The following AFF2 variants were observed in gnomAD, a reference collection of about 807,000 sequenced individuals.
The protein encoded by AFF2 is ALF transcription elongation factor 2, also known as AF4/FMR2 family member 2.
Under a neutral mutation model 76.9 loss-of-function variants are expected in AFF2, and 14 were observed. That is an observed-to-expected ratio of 0.18 (90% CI 0.12 to 0.28). The LOEUF is 0.28. AFF2 is among the 10% of genes least tolerant of loss of function. AFF2 has a pLI of 1.00. For missense variants in AFF2, 868 were observed against 1,001.1 expected (o/e 0.87, Z 1.79); for synonymous variants, 398 against 366.7 (o/e 1.09, Z -0.98).
intron 1 of AFF2, among the ~76,000 whole-genome samples, chrX:148,604,474 C>T (rs1557248547): frequency 1.8e-5 from 2 of 112,247 alleles, no homozygotes; most frequent in African/African-American, 6.5e-5. Context: ...CTCACTGCAG[C>T]CTTGAATTCC....
At chrX:148,808,636 A>G (rs1391170439) in intron 3 of AFF2, among the ~76,000 whole-genome samples, 1 of 112,047 alleles carries the variant, frequency 8.9e-6, no homozygotes, top group Non-Finnish European at 1.9e-5. Flanking sequence ...GCCATCTAGA[A>G]TTGATAGCCC....
chrX:148,803,437 C>G (rs1242473353), intron 3 of AFF2, among the ~76,000 whole-genome samples: 1 of 111,321 alleles, frequency 9.0e-6, no homozygotes, highest in Non-Finnish European at 1.9e-5. Flanking sequence ...CCAGAATGGC[C>G]TCACTGACTA....
chrX:148,780,142 G>A (rs2069723200), intron 3 of AFF2, among the ~76,000 whole-genome samples: 1 of 112,251 alleles, frequency 8.9e-6, no homozygotes, highest in South Asian at 3.7e-4. Context: ...GCTTCCCTTT[G>A]TGGGTAACCC....
chrX:148,529,982 T>A (rs2052711411), intron 1 of AFF2, among the ~76,000 whole-genome samples: 1 of 111,379 alleles, frequency 9.0e-6, no homozygotes, highest in East Asian at 2.8e-4. Flanking sequence ...TCCTGCGACT[T>A]TGGGCAAGTC....
At chrX:148,660,571 T>A (rs2054294819) in intron 2 of AFF2, among the ~76,000 whole-genome samples, 1 of 112,127 alleles carries the variant, frequency 8.9e-6, no homozygotes. Context: ...AAATCTTAGA[T>A]GTTAAACAAC....
At chrX:148,885,671 T>A (rs951562480) in intron 7 of AFF2, among the ~76,000 whole-genome samples, 1 of 111,500 alleles carries the variant, frequency 9.0e-6, no homozygotes, top group East Asian at 2.8e-4. Flanking sequence ...CCCCTTGATT[T>A]AGGGGAAGGT....
At chrX:148,539,262 G>C (rs1377817253) in intron 1 of AFF2, among the ~76,000 whole-genome samples, 4 of 111,080 alleles carry the variant, frequency 3.6e-5, no homozygotes, top group Non-Finnish European at 7.5e-5. Flanking sequence ...CCTGAAGGTA[G>C]GAATTACCCT....
At chrX:148,692,679 T>A (rs1557260847) in intron 3 of AFF2, among the ~76,000 whole-genome samples, 1 of 111,867 alleles carries the variant, frequency 8.9e-6, no homozygotes, top group African/African-American at 3.3e-5. Flanking sequence ...AAAACTTACA[T>A]GTAGTTGCAT....
intron 3 of AFF2, among the ~76,000 whole-genome samples, chrX:148,760,215 G>T (rs909109859): frequency 1.7e-4 from 19 of 111,624 alleles, no homozygotes; most frequent in African/African-American, 6.2e-4. Context: ...CAGTTACTAT[G>T]CCAGGTTTAA....
chrX:148,915,678 C>T (rs2071519495), intron 9 of AFF2, among the ~76,000 whole-genome samples: 3 of 112,535 alleles, frequency 2.7e-5, no homozygotes, highest in African/African-American at 9.7e-5. Flanking sequence ...TTATTCATCT[C>T]TCTCACGAGC....
chrX:148,573,643 C>A (rs1374487509), intron 1 of AFF2, among the ~76,000 whole-genome samples: 2 of 106,507 alleles, frequency 1.9e-5, no homozygotes, highest in South Asian at 8.2e-4. Context: ...TGTGAACAAT[C>A]CTTGAAAACC....
At chrX:148,949,905 G>A (rs1445021096) in intron 9 of AFF2, among the ~76,000 whole-genome samples, 3 of 112,574 alleles carry the variant, frequency 2.7e-5, no homozygotes, top group African/African-American at 9.7e-5. Context: ...CTGTGCATTA[G>A]TTTTTCATCT....
intron 3 of AFF2, among the ~76,000 whole-genome samples, chrX:148,693,153 G>A (rs1454113958): frequency 2.7e-5 from 3 of 111,047 alleles, no homozygotes; most frequent in Non-Finnish European, 5.7e-5. Context: ...TCCTGACCTC[G>A]TGATCCACCC....
chrX:148,801,667 A>G (rs1198783019), intron 3 of AFF2, among the ~76,000 whole-genome samples: 4 of 111,699 alleles, frequency 3.6e-5, no homozygotes, highest in African/African-American at 1.3e-4. Context: ...ACAATCATCC[A>G]GTTTCTCTTT....
chrX:148,900,045 A>G (rs1475160638), intron 8 of AFF2, among the ~76,000 whole-genome samples: 2 of 110,654 alleles, frequency 1.8e-5, no homozygotes, highest in Non-Finnish European at 3.8e-5. Flanking sequence ...TGTCTATTGG[A>G]CTAGAATAGC....
chrX:148,817,360 T>TAAATATA (rs1161558013), intron 4 of AFF2, among the ~76,000 whole-genome samples: 13 of 110,966 alleles, frequency 1.2e-4, no homozygotes, highest in African/African-American at 4.2e-4. Context: ...TCTGTACAAA[T>TAAATATA]AAATATAAAC....
intron 1 of AFF2, among the ~76,000 whole-genome samples, chrX:148,630,222 C>T (rs1282823213): frequency 2.7e-5 from 3 of 111,238 alleles, no homozygotes; most frequent in Non-Finnish European, 5.7e-5. Context: ...GAGGAGGTTT[C>T]TCACACAAAG....
chrX:148,910,831 A>C (rs1051408325), intron 9 of AFF2, among the ~76,000 whole-genome samples: 1 of 111,748 alleles, frequency 8.9e-6, no homozygotes, highest in Non-Finnish European at 1.9e-5. Context: ...TGAATTATCC[A>C]TCAGTCCCCT....
chrX:148,932,811 C>T (rs782271062), intron 9 of AFF2, among the ~76,000 whole-genome samples: 11 of 112,160 alleles, frequency 9.8e-5, no homozygotes, highest in Non-Finnish European at 1.9e-4. Flanking sequence ...TACATCTATT[C>T]GCATTCATTC....
Sources: gnomAD v4.1 joint callset for allele counts (sites outside exome capture counted in the v4.1 genomes callset) on GRCh38, gnomAD v4.1.1 for gene constraint, MANE v1.5 for transcripts, NCBI Gene and HGNC (gene_info 2026-07-23, HGNC 2026-07-21) for gene names.